RNF180: variants seen among roughly 807,000 people sequenced by gnomAD.
RNF180 encodes ring finger protein 180, also known as E3 ubiquitin-protein ligase RNF180.
In RNF180, 38 loss-of-function variants were observed where a neutral mutation model predicts 59.2. The observed-to-expected ratio is 0.64, with a 90% CI of 0.50 to 0.84. The LOEUF (loss-of-function observed/expected upper bound fraction) is 0.84. Among genes scored for constraint, RNF180 ranks in the 40% least tolerant of loss-of-function variants. The pLI is 0.00. For missense variants in RNF180, 705 were observed against 700.9 expected (o/e 1.01, Z -0.07); for synonymous variants, 262 against 240.3 (o/e 1.09, Z -0.84).
At chr5:64,186,333 G>A (rs969508708) in intron 1 of RNF180, among the ~76,000 whole-genome samples, 2 of 152,062 alleles carry the variant, frequency 1.3e-5, no homozygotes, top group African/African-American at 4.8e-5. Flanking sequence ...AACACTTTAT[G>A]TCATATTAAT....
intron 7 of RNF180, among the ~76,000 whole-genome samples, chr5:64,347,572 G>C (rs1232796831): frequency 6.6e-6 from 1 of 152,028 alleles, no homozygotes; most frequent in Non-Finnish European, 1.5e-5. Context: ...ATTTTTCATT[G>C]TTGCAGTGCA....
At chr5:64,220,665 A>G (rs1233503859) in intron 5 of RNF180, among the ~76,000 whole-genome samples, 1 of 152,106 alleles carries the variant, frequency 6.6e-6, no homozygotes, top group East Asian at 1.9e-4. Context: ...TTCTATTTAA[A>G]CAGCATTTCA....
chr5:64,245,657 C>G (rs1743105606), intron 5 of RNF180, among the ~76,000 whole-genome samples: 1 of 152,168 alleles, frequency 6.6e-6, no homozygotes, highest in South Asian at 2.1e-4. Flanking sequence ...GACTCCCACA[C>G]AATACTAGAG....
intron 5 of RNF180, among the ~76,000 whole-genome samples, chr5:64,241,750 A>G (rs1742818419): frequency 6.6e-6 from 1 of 152,160 alleles, no homozygotes; most frequent in South Asian, 2.1e-4. Context: ...AAAAAGACTC[A>G]TTGAAGAGGG....
At chr5:64,218,357 G>A (rs1752744671) in intron 5 of RNF180, among the ~76,000 whole-genome samples, 1 of 152,130 alleles carries the variant, frequency 6.6e-6, no homozygotes, top group Non-Finnish European at 1.5e-5. Flanking sequence ...AGTTGTTTCA[G>A]CACCAGTTGT....
At chr5:64,286,845 A>G (rs748824170) in intron 5 of RNF180, among the ~76,000 whole-genome samples, 17 of 152,244 alleles carry the variant, frequency 1.1e-4, no homozygotes, top group Non-Finnish European at 2.2e-4. Context: ...AGAGGCTTGA[A>G]AACAAGACCT....
At chr5:64,243,375 C>T (rs979594445) in intron 5 of RNF180, among the ~76,000 whole-genome samples, 9 of 152,188 alleles carry the variant, frequency 5.9e-5, no homozygotes, top group Non-Finnish European at 1.3e-4. Flanking sequence ...TGAAGTTGAC[C>T]TGGGACTCTC....
chr5:64,183,878 T>C (rs923674549), intron 1 of RNF180, among the ~76,000 whole-genome samples: 1 of 152,246 alleles, frequency 6.6e-6, no homozygotes, highest in East Asian at 1.9e-4. Context: ...GTCTCTATAA[T>C]AGCTTTATTA....
chr5:64,331,591 T>G (rs575915066), intron 7 of RNF180, among the ~76,000 whole-genome samples: 124 of 152,260 alleles, frequency 8.1e-4, no homozygotes, highest in African/African-American at 2.9e-3. Context: ...ACTGTGGGTC[T>G]CCTGAGAACT....
chr5:64,255,494 C>T (rs1487485199), intron 5 of RNF180, among the ~76,000 whole-genome samples: 2 of 152,124 alleles, frequency 1.3e-5, no homozygotes, highest in African/African-American at 2.4e-5. Flanking sequence ...ATGATGGTTT[C>T]CAGCTTCATC....
chr5:64,197,717 T>C (rs1579980636), intron 1 of RNF180, among the ~76,000 whole-genome samples: 1 of 152,174 alleles, frequency 6.6e-6, no homozygotes, highest in African/African-American at 2.4e-5. Flanking sequence ...GAAAAACCCA[T>C]GTTCAGTTGT....
At chr5:64,355,474 A>G (rs1033373735) in intron 7 of RNF180, among the ~76,000 whole-genome samples, 3 of 151,976 alleles carry the variant, frequency 2.0e-5, no homozygotes, top group African/African-American at 7.2e-5. Context: ...TACTGTTAAG[A>G]TATCAGTACT....
intron 5 of RNF180, among the ~76,000 whole-genome samples, chr5:64,295,223 G>T (rs1225585188): frequency 6.6e-6 from 1 of 152,020 alleles, no homozygotes; most frequent in Non-Finnish European, 1.5e-5. Flanking sequence ...ACTTGTTCTG[G>T]CCTAGCAACC....
intron 5 of RNF180, among the ~76,000 whole-genome samples, chr5:64,227,844 T>C (rs1741866323): frequency 1.3e-5 from 2 of 152,238 alleles, no homozygotes; most frequent in Admixed American, 1.3e-4. Context: ...TCTGCACATT[T>C]GGTTTTATTT....
intron 5 of RNF180, among the ~76,000 whole-genome samples, chr5:64,223,363 T>G (rs7713289): frequency 0.29 from 43,436 of 152,116 alleles, 6,438 homozygotes; most frequent in African/African-American, 0.35. Flanking sequence ...CAAAGTCCCC[T>G]TTCCCATGTA....
intron 1 of RNF180, among the ~76,000 whole-genome samples, chr5:64,186,285 A>G (rs1750871134): frequency 6.6e-6 from 1 of 152,126 alleles, no homozygotes; most frequent in Admixed American, 6.6e-5. Flanking sequence ...GAGTATGGCA[A>G]ATCAGACAAA....
chr5:64,199,107 C>T (rs1403482227), intron 1 of RNF180, among the ~76,000 whole-genome samples: 1 of 152,180 alleles, frequency 6.6e-6, no homozygotes, highest in Non-Finnish European at 1.5e-5. Context: ...CGTGAGCCAC[C>T]ACGCCCGGCC....
At chr5:64,205,706 T>C (rs2366281) in intron 2 of RNF180, among the ~76,000 whole-genome samples, 66,250 of 151,718 alleles carry the variant, frequency 0.44, 15,533 homozygotes, top group African/African-American at 0.61. Flanking sequence ...TACCATGCAG[T>C]GTATGAATGG....
intron 5 of RNF180, among the ~76,000 whole-genome samples, chr5:64,220,155 T>A (rs1169660338): frequency 6.6e-5 from 10 of 152,136 alleles, no homozygotes; most frequent in Non-Finnish European, 1.5e-4. Flanking sequence ...TTATTGATAT[T>A]TTTAAGGAAA....
Sources: gnomAD v4.1 joint callset for allele counts (sites outside exome capture counted in the v4.1 genomes callset) on GRCh38, gnomAD v4.1.1 for gene constraint, MANE v1.5 for transcripts, NCBI Gene and HGNC (gene_info 2026-07-23, HGNC 2026-07-21) for gene names.